RBFOX1: variants seen among roughly 807,000 people sequenced by gnomAD.
RBFOX1 encodes the protein RNA binding protein fox-1 homolog 1.
Under a neutral mutation model 57.7 loss-of-function variants are expected in RBFOX1, and 8 were observed. That is an observed-to-expected ratio of 0.14 (90% CI 0.08 to 0.25). The LOEUF (loss-of-function observed/expected upper bound fraction) is 0.25, where lower values mean the gene tolerates loss of function less well. RBFOX1 is among the 10% of genes least tolerant of loss of function. The pLI, the probability that RBFOX1 is intolerant of heterozygous loss-of-function variation, is 1.00. For missense variants in RBFOX1, 611 were observed against 548.5 expected (o/e 1.11, Z -1.14); for synonymous variants, 326 against 222.4 (o/e 1.47, Z -4.15).
At chr16:5,831,838 T>G (rs1208807705) in intron 3 of RBFOX1, among the ~76,000 whole-genome samples, 2 of 152,188 alleles carry the variant, frequency 1.3e-5, no homozygotes, top group Non-Finnish European at 2.9e-5. Flanking sequence ...ATAAACAAAT[T>G]ATTTATAAAT....
At chr16:6,969,652 G>T (rs1349390080) in intron 3 of RBFOX1, among the ~76,000 whole-genome samples, 3 of 152,162 alleles carry the variant, frequency 2.0e-5, no homozygotes, top group African/African-American at 7.2e-5. Context: ...GCTGAGGTGG[G>T]AGGATGGCTT....
intron 4 of RBFOX1, among the ~76,000 whole-genome samples, chr16:7,057,131 C>G (rs116550801): frequency 6.6e-6 from 1 of 151,982 alleles, no homozygotes; most frequent in Non-Finnish European, 1.5e-5. Context: ...CTAGAAATAC[C>G]AGGCATGAGA....
intron 4 of RBFOX1, among the ~76,000 whole-genome samples, chr16:7,366,159 C>G (rs1019664168): frequency 6.6e-6 from 1 of 152,186 alleles, no homozygotes; most frequent in Non-Finnish European, 1.5e-5. Flanking sequence ...GTATTGAGGC[C>G]TTTCCCAGCA....
intron 4 of RBFOX1, among the ~76,000 whole-genome samples, chr16:7,060,024 G>C (rs892101405): frequency 6.6e-6 from 1 of 152,186 alleles, no homozygotes; most frequent in African/African-American, 2.4e-5. Context: ...AATGTGGAAA[G>C]ATTCTGCAGT....
At chr16:7,060,731 T>C (rs1162904395) in intron 4 of RBFOX1, among the ~76,000 whole-genome samples, 1 of 152,224 alleles carries the variant, frequency 6.6e-6, no homozygotes, top group Non-Finnish European at 1.5e-5. Flanking sequence ...TTTCCACGTA[T>C]ACATCCTGGT....
intron 14 of RBFOX1, among the ~76,000 whole-genome samples, chr16:7,693,879 G>C (rs1163735826): frequency 6.6e-6 from 1 of 152,104 alleles, no homozygotes; most frequent in Non-Finnish European, 1.5e-5. Context: ...CATTCTATTA[G>C]CCAAAGATCC....
rs559429140 is a variant in RBFOX1, at chr16:5,578,565, TC to T, written c.259-20335del. Among the ~76,000 whole-genome samples, 27 of 152,288 alleles carry T rather than the reference TC, an allele frequency of 1.8e-4. No individual in the cohort carries two copies. In the South Asian group the frequency reaches 5.6e-3, roughly 32 times the overall value. ...AAAAACCACTGGGAGATCAGGTACT[TC>T]CTGCAAACATTCCCACACAGTGACT... On this transcript the variant is annotated intron_variant, in intron 2 of 2. Coordinates refer to the RBFOX1 transcript ENST00000585867.
intron 2 of RBFOX1, among the ~76,000 whole-genome samples, chr16:6,519,259 A>C (rs936683132): frequency 1.3e-5 from 2 of 152,144 alleles, no homozygotes; most frequent in African/African-American, 4.8e-5. Flanking sequence ...TGCTCTGTGC[A>C]CCAGAAAGGG....
At chr16:7,692,471 TCTTGGTG>T (rs2147515360) in intron 14 of RBFOX1, among the ~76,000 whole-genome samples, 1 of 152,266 alleles carries the variant, frequency 6.6e-6, no homozygotes, top group South Asian at 2.1e-4. Context: ...TTATCTTGGT[TCTTGGTG>T]ATCCATAAGC....
chr16:6,471,250 A>G (rs1231693856), intron 2 of RBFOX1, among the ~76,000 whole-genome samples: 2 of 152,170 alleles, frequency 1.3e-5, no homozygotes, highest in Non-Finnish European at 2.9e-5. Context: ...GCATCCTTGG[A>G]GATCCAACTC....
intron 4 of RBFOX1, among the ~76,000 whole-genome samples, chr16:7,409,152 C>T (rs1261474511): frequency 6.6e-6 from 1 of 152,148 alleles, no homozygotes; most frequent in South Asian, 2.1e-4. Flanking sequence ...GATCAGGTTC[C>T]GGGAGCTGGA....
intron 7 of RBFOX1, among the ~76,000 whole-genome samples, chr16:7,588,081 A>G (rs551758979): frequency 6.6e-6 from 1 of 152,330 alleles, no homozygotes; most frequent in Non-Finnish European, 1.5e-5. Context: ...CGGGAGGCTG[A>G]GGCAGGAGAA....
At chr16:7,683,009 T>TATATATACACACACACATATATAC (rs1568438790) in intron 14 of RBFOX1, among the ~76,000 whole-genome samples, 2 of 72,190 alleles carry the variant, frequency 2.8e-5, no homozygotes, top group African/African-American at 4.6e-5. Flanking sequence ...TGTGTGTGTG[T>TATATATACACACACACATATATAC]GTATATATAT....
chr16:7,692,339 G>C (rs1040525620), intron 14 of RBFOX1, among the ~76,000 whole-genome samples: 1 of 152,040 alleles, frequency 6.6e-6, no homozygotes, highest in African/African-American at 2.4e-5. Context: ...TATATTCCAG[G>C]GTGTACCTCT....
chr16:6,294,604 T>C (rs1183576970), intron 1 of RBFOX1, among the ~76,000 whole-genome samples: 1 of 152,176 alleles, frequency 6.6e-6, no homozygotes, highest in South Asian at 2.1e-4. Context: ...GAGTGCCTAC[T>C]TGATGCTGAG....
chr16:6,595,794 C>G (rs768826565), intron 2 of RBFOX1, among the ~76,000 whole-genome samples: 3 of 152,048 alleles, frequency 2.0e-5, no homozygotes, highest in Non-Finnish European at 4.4e-5. Flanking sequence ...ACTTGCATTT[C>G]CCTAATGATT....
At chr16:6,304,525 A>G (rs2079218909) in intron 1 of RBFOX1, among the ~76,000 whole-genome samples, 1 of 152,112 alleles carries the variant, frequency 6.6e-6, no homozygotes, top group African/African-American at 2.4e-5. Context: ...ACAGAGCCGT[A>G]TGCCTGAGGA....
intron 2 of RBFOX1, among the ~76,000 whole-genome samples, chr16:6,419,770 C>T (rs1035302652): frequency 9.9e-5 from 15 of 152,126 alleles, no homozygotes; most frequent in Admixed American, 6.6e-5. Flanking sequence ...CAATTTTTGC[C>T]TTGCTGAGCT....
At chr16:6,522,114 A>AGATTATGC (rs1464851597) in intron 2 of RBFOX1, among the ~76,000 whole-genome samples, 1 of 151,744 alleles carries the variant, frequency 6.6e-6, no homozygotes, top group Non-Finnish European at 1.5e-5. Flanking sequence ...CAATTTCCAA[A>AGATTATGC]GATTATGCAG....
Sources: allele counts gnomAD v4.1 joint callset (sites outside exome capture counted in the v4.1 genomes callset), GRCh38; gene constraint gnomAD v4.1.1; transcripts MANE v1.5; gene names NCBI Gene and HGNC (gene_info 2026-07-23, HGNC 2026-07-21).